The following C1orf159 variants were observed in gnomAD, a reference collection of about 807,000 sequenced individuals.
C1orf159 encodes chromosome 1 open reading frame 159.
A neutral mutation model predicts 25.6 loss-of-function variants in C1orf159; 19 were observed. The observed-to-expected ratio is 0.74, with a 90% CI of 0.52 to 1.09. C1orf159 has a LOEUF of 1.09. Ranked by LOEUF, C1orf159 falls within the 50% of genes least tolerant of loss-of-function variation. C1orf159 has a pLI of 0.00. For missense variants in C1orf159, 274 were observed against 290.6 expected, an observed-to-expected ratio of 0.94 and a Z score of 0.42; for synonymous variants, 139 against 124.7, an observed-to-expected ratio of 1.12 and a Z score of -0.77.
chr1:1,111,886 G>T (rs61766343), intron 1 of C1orf159, among the ~76,000 whole-genome samples: 1,686 of 152,324 alleles, frequency 0.011, 8 homozygotes, highest in Non-Finnish European at 0.018. Context: ...GAACTGTCTG[G>T]GGCCTCTCTA....
chr1:1,086,771 G>T (rs776652735), intron 6 of C1orf159, among the ~76,000 whole-genome samples: 3 of 152,008 alleles, frequency 2.0e-5, no homozygotes, highest in African/African-American at 7.3e-5. Flanking sequence ...AGTGTGTGGT[G>T]TCAGCGTGAG....
chr1:1,109,844 C>T (rs564529293), intron 1 of C1orf159, among the ~76,000 whole-genome samples: 131 of 152,306 alleles, frequency 8.6e-4, no homozygotes, highest in Middle Eastern at 3.4e-3. Flanking sequence ...AGGCGCGGCC[C>T]GGGAGTCACT....
At chr1:1,085,501 G>C (rs977032779) in intron 7 of C1orf159, among the ~76,000 whole-genome samples, 11 of 151,202 alleles carry the variant, frequency 7.3e-5, no homozygotes, top group African/African-American at 2.2e-4. Flanking sequence ...CCAGGAGAGG[G>C]GAGGGGGGAC....
chr1:1,102,345 GGTTTT>G (rs1265592036), intron 1 of C1orf159, among the ~76,000 whole-genome samples: 5 of 150,488 alleles, frequency 3.3e-5, no homozygotes, highest in South Asian at 4.2e-4. Context: ...CTCTGTTCAT[GGTTTT>G]GTTTTATTTT....
At position 1,087,696 on chromosome 1, in the gene C1orf159, C is replaced by G. The variant is rs1327915665; in HGVS notation, c.149-99G>C. The G allele has an allele frequency of 3.6e-5, 32 of 894,308 alleles. No homozygotes were observed. The South Asian group carries it at 5.1e-4, about 14-fold the overall frequency. 55.4% of individuals were successfully genotyped at this position (894,308 alleles called of 1,614,324 possible). ...CTATTTGAGTTGGTGAGATAACTTTCATTCCAGATACTAACATGCTCTGGA... is the reference window on the plus strand; with the variant it reads ...CTATTTGAGTTGGTGAGATAACTTTGATTCCAGATACTAACATGCTCTGGA... On this transcript the variant is annotated intron_variant, in intron 4 of 9. Transcript: ENST00000421241. This position sits in a 1 kb window ranked among gnomAD's most constrained non-coding sequence, Gnocchi z 8.3.
intron 1 of C1orf159, chr1:1,105,910 A>G (rs958458641): frequency 6.6e-6 from 1 of 152,178 alleles, no homozygotes; most frequent in South Asian, 2.1e-4. Context: ...TAGATAGATA[A>G]ATAAATAAAA....
chr1:1,091,586 C>A (rs1375890151), intron 2 of C1orf159, 21 bp from the exon 3 acceptor site: 4 of 1,420,146 alleles, frequency 2.8e-6, no homozygotes, highest in East Asian at 2.9e-5. Flanking sequence ...GAGGAGCATG[C>A]GGAGCCAAAG....
intron 1 of C1orf159, among the ~76,000 whole-genome samples, chr1:1,112,494 T>A (rs1450825889): frequency 6.6e-6 from 1 of 150,878 alleles, no homozygotes; most frequent in Non-Finnish European, 1.5e-5. Context: ...GCTACCTCCC[T>A]CCAGTGAACA....
chr1:1,112,376 G>C (rs1646269651), intron 1 of C1orf159, among the ~76,000 whole-genome samples: 1 of 152,196 alleles, frequency 6.6e-6, no homozygotes, highest in South Asian at 2.1e-4. Context: ...CTACTCCAGT[G>C]AACACACGGC....
chr1:1,096,601 A>T (rs1646012226), intron 1 of C1orf159, among the ~76,000 whole-genome samples: 1 of 152,254 alleles, frequency 6.6e-6, no homozygotes, highest in Non-Finnish European at 1.5e-5. Context: ...TCCGGTAATT[A>T]ATTCAATTTC....
At chr1:1,109,130 A>AGC (rs58374413) in intron 1 of C1orf159, among the ~76,000 whole-genome samples, 2 of 91,046 alleles carry the variant, frequency 2.2e-5, no homozygotes, top group African/African-American at 1.7e-4. Context: ...AGGTGGGAGC[A>AGC]AGTGTCCACC....
At chr1:1,100,883 C>T (rs866026197) in intron 1 of C1orf159, among the ~76,000 whole-genome samples, 5 of 152,200 alleles carry the variant, frequency 3.3e-5, no homozygotes, top group African/African-American at 4.8e-5. Flanking sequence ...GTACAGTCCA[C>T]GGATCCCCTC....
chr1:1,104,132 C>A (rs1646139000), intron 1 of C1orf159, among the ~76,000 whole-genome samples: 1 of 152,144 alleles, frequency 6.6e-6, no homozygotes, highest in African/African-American at 2.4e-5. Context: ...GGATTACAGG[C>A]ACCTGCCACC....
At chr1:1,113,425 CTT>C (rs1223946801) in intron 1 of C1orf159, among the ~76,000 whole-genome samples, 1 of 152,178 alleles carries the variant, frequency 6.6e-6, no homozygotes, top group Non-Finnish European at 1.5e-5. Context: ...TCTTTCTTTT[CTT>C]TGTGAAACAG....
At chr1:1,114,435 G>A (rs1363646541) in intron 1 of C1orf159, among the ~76,000 whole-genome samples, 2 of 152,218 alleles carry the variant, frequency 1.3e-5, no homozygotes, top group Non-Finnish European at 2.9e-5. Context: ...AGCGCTAGCT[G>A]TTCTTTAAAT....
intron 6 of C1orf159, among the ~76,000 whole-genome samples, chr1:1,086,481 G>A (rs1233203640): frequency 6.6e-6 from 1 of 152,258 alleles, no homozygotes; most frequent in Non-Finnish European, 1.5e-5. Context: ...GGACAGGCCA[G>A]GGCTGCTGGC....
intron 1 of C1orf159, among the ~76,000 whole-genome samples, chr1:1,112,195 T>C (rs1646266853): frequency 6.6e-6 from 1 of 152,160 alleles, no homozygotes; most frequent in South Asian, 2.1e-4. Flanking sequence ...TCCCAATAGC[T>C]AGAAAACACA....
rs900010822 is a variant in C1orf159, at chr1:1,082,027, G to C, written c.*866C>G. On this transcript the variant is annotated 3_prime_UTR_variant, in exon 10 of 10. Transcript: ENST00000421241. Reference sequence around the variant, plus strand: ...GCGTCTGAGACCCACGGTGGAGCCCGGGCCTGGCGTGCGGGAGGCGGCCAC... The same window carrying C: ...GCGTCTGAGACCCACGGTGGAGCCCCGGCCTGGCGTGCGGGAGGCGGCCAC... 1 of 152,260 alleles carries C rather than the reference G, an allele frequency of 6.6e-6. No individual in the cohort carries two copies. Among genetic ancestry groups the C allele is most frequent in the Non-Finnish European group, 1.5e-5 (1 of 68,068 alleles). 9.4% of individuals were successfully genotyped at this position (152,260 alleles called of 1,614,324 possible).
chr1:1,089,619 C>T lies in C1orf159; in HGVS notation c.148+734G>A, dbSNP rs770179806. ...GCCCTCCTCACGAGGCCCCTGAGTCCCCAGGAGCAGCCCTTCTGGGTTCTT... is the reference window on the plus strand; with the variant it reads ...GCCCTCCTCACGAGGCCCCTGAGTCTCCAGGAGCAGCCCTTCTGGGTTCTT... On this transcript the variant is annotated intron_variant, in intron 4 of 9. Transcript: ENST00000421241. The surrounding 1 kb of genome is among the most constrained non-coding windows in gnomAD (Gnocchi z 7.5). Among the ~76,000 whole-genome samples the T allele has an allele frequency of 6.6e-6, 1 of 152,168 alleles. No homozygotes were observed. The highest frequency in any genetic ancestry group is 1.5e-5 in the Non-Finnish European group (1 of 68,018).
Sources: gnomAD v4.1 joint callset for allele counts (sites outside exome capture counted in the v4.1 genomes callset) on GRCh38, gnomAD v4.1.1 for gene constraint, Gnocchi (gnomAD v3.1) non-coding constraint, MANE v1.5 for transcripts, NCBI Gene and HGNC (gene_info 2026-07-23, HGNC 2026-07-21) for gene names.